Variants in SRBD1 observed in about 807,000 individuals in gnomAD.
SRBD1 encodes the protein S1 RNA binding domain 1.
A neutral mutation model predicts 115.3 loss-of-function variants in SRBD1; 88 were observed. That is an observed-to-expected ratio of 0.76 (90% confidence interval 0.64 to 0.91). The LOEUF (loss-of-function observed/expected upper bound fraction) is 0.91, where lower values mean the gene tolerates loss of function less well. Ranked by LOEUF, SRBD1 falls within the 40% of genes least tolerant of loss-of-function variation. The pLI is 0.00. For synonymous variants in SRBD1, 509 were observed against 407.7 expected (o/e 1.25, Z -2.99); for missense variants, 1,385 against 1,177.4 (o/e 1.18, Z -2.58).
intron 18 of SRBD1, among the ~76,000 whole-genome samples, chr2:45,414,487 A>T (rs1225013062): frequency 1.4e-5 from 2 of 145,662 alleles, no homozygotes; most frequent in Non-Finnish European, 3.0e-5. Context: ...GTGTGTGTAC[A>T]GTGTGTATAT....
At chr2:45,408,788 T>C (rs1300690465) in intron 19 of SRBD1, among the ~76,000 whole-genome samples, 1 of 152,118 alleles carries the variant, frequency 6.6e-6, no homozygotes, top group Non-Finnish European at 1.5e-5. Context: ...AATCAGTTGA[T>C]GAAACATTAT....
chr2:45,418,174 G>C (rs982194946), intron 18 of SRBD1, among the ~76,000 whole-genome samples, 191 bp downstream of exon 18: 1 of 152,134 alleles, frequency 6.6e-6, no homozygotes, highest in Non-Finnish European at 1.5e-5. Context: ...AACTCCATGA[G>C]AATCCGGAAT....
rs1399603660 is a variant in SRBD1 at position 45,585,899 on chromosome 2, T to A, written c.649-125A>T. ...TTAGAAACTACTTGCTATAGTTTTTTAAAAAAAAGAAAGCCATATAAAATA... is the reference window on the plus strand; with the variant it reads ...TTAGAAACTACTTGCTATAGTTTTTAAAAAAAAAGAAAGCCATATAAAATA... On this transcript the variant is annotated intron_variant, in intron 4 of 20. Coordinates refer to ENST00000263736, the MANE Select transcript of SRBD1 (RefSeq NM_018079.5). 5.6e-6 allele frequency: 4 copies of A among 710,168 alleles called. No individual in the cohort carries two copies. In the South Asian group the frequency reaches 7.7e-5, roughly 14 times the overall value. 44.0% of individuals were successfully genotyped at this position (710,168 alleles called of 1,614,324 possible).
intron 14 of SRBD1, among the ~76,000 whole-genome samples, chr2:45,525,666 T>A (rs1671418344): frequency 6.6e-6 from 1 of 152,048 alleles, no homozygotes; most frequent in Non-Finnish European, 1.5e-5. Context: ...AATGTATATG[T>A]ACTTCAAAAC....
At chr2:45,556,349 A>T (rs1672475361) in intron 10 of SRBD1, among the ~76,000 whole-genome samples, 1 of 152,058 alleles carries the variant, frequency 6.6e-6, no homozygotes, top group Admixed American at 6.5e-5. Context: ...AACAGAAATA[A>T]ATGTTAAAGA....
intron 16 of SRBD1, among the ~76,000 whole-genome samples, chr2:45,449,074 C>T (rs1166035878): frequency 6.6e-6 from 1 of 152,136 alleles, no homozygotes; most frequent in African/African-American, 2.4e-5. Flanking sequence ...TAAACGATTG[C>T]AGATTATTCA....
intron 16 of SRBD1, among the ~76,000 whole-genome samples, chr2:45,455,811 A>C (rs991014240): frequency 6.6e-6 from 1 of 151,842 alleles, no homozygotes; most frequent in African/African-American, 2.4e-5. Flanking sequence ...TAGTACTTTT[A>C]CCCTGGAATT....
At position 45,599,648 on chromosome 2, in the gene SRBD1, T is replaced by G; in HGVS notation, c.449A>C (p.Asn150Thr). 1 of 1,614,236 alleles carries G rather than the reference T, an allele frequency of 6.2e-7. No individual in the cohort carries two copies. The highest frequency in any genetic ancestry group is 8.5e-7 in the Non-Finnish European group (1 of 1,180,036). Reference sequence around the variant, plus strand: ...GCTTGTGGATGGTGTCTCTGAACTATTACTCTCACCCTCTAAGTTGCTGGC... The same window carrying G: ...GCTTGTGGATGGTGTCTCTGAACTAGTACTCTCACCCTCTAAGTTGCTGGC... ...SKASNLEGESNSSETPSTSTV... is the reference protein window; with the variant it reads ...SKASNLEGESTSSETPSTSTV... Residue 150 changes from asparagine (N) to threonine (T), a missense_variant, in exon 4 of 21, where the codon AAT (asparagine) becomes ACT (threonine). Coordinates refer to ENST00000263736, the MANE Select transcript of SRBD1 (RefSeq NM_018079.5).
rs1375491720 is a variant in SRBD1 at position 45,415,806 on chromosome 2, G to T, written c.2334-2513C>A. 2.4e-5 allele frequency among the ~76,000 whole-genome samples: 3 copies of T among 122,850 alleles called. No individual in the cohort carries two copies. The Admixed American group carries it at 2.6e-4, about 10-fold the overall frequency. 80.6% of individuals were successfully genotyped at this position (122,850 alleles called of 152,430 possible). ...GAGGAGAGGAGAGGAGAGGAGAGGA[G>T]AGGAGAGGAGAGGAGTCTGAAACTA... On this transcript the variant is annotated intron_variant, in intron 18 of 20. Transcript: ENST00000263736.
intron 14 of SRBD1, among the ~76,000 whole-genome samples, chr2:45,524,481 C>A (rs921732825): frequency 7.3e-5 from 11 of 151,626 alleles, no homozygotes; most frequent in Non-Finnish European, 2.9e-5. Context: ...TTATAAAAAC[C>A]GACTATTTCT....
intron 9 of SRBD1, among the ~76,000 whole-genome samples, chr2:45,565,329 A>T (rs1451038347): frequency 6.6e-6 from 1 of 152,314 alleles, no homozygotes; most frequent in Non-Finnish European, 1.5e-5. Context: ...ACTTATACAT[A>T]TAGTGTCAAC....
intron 14 of SRBD1, among the ~76,000 whole-genome samples, chr2:45,539,823 T>C (rs1470696587): frequency 2.6e-5 from 4 of 151,754 alleles, no homozygotes; most frequent in African/African-American, 9.7e-5. Flanking sequence ...CCTTAAGAAC[T>C]GAACAAAAAA....
chr2:45,515,218 A>G (rs1387767658), intron 14 of SRBD1, among the ~76,000 whole-genome samples: 8 of 152,162 alleles, frequency 5.3e-5, no homozygotes, highest in Non-Finnish European at 5.9e-5. Flanking sequence ...TGCAGTTTCT[A>G]TGGTCAGACA....
intron 14 of SRBD1, among the ~76,000 whole-genome samples, chr2:45,503,373 T>C (rs1670695834): frequency 6.6e-6 from 1 of 152,204 alleles, no homozygotes; most frequent in South Asian, 2.1e-4. Context: ...TCATAATCAT[T>C]GGTCAGCCCT....
intron 9 of SRBD1, among the ~76,000 whole-genome samples, chr2:45,564,642 T>C (rs564607839): frequency 6.6e-6 from 1 of 152,286 alleles, no homozygotes; most frequent in South Asian, 2.1e-4. Context: ...CCATTTATGA[T>C]ACCACCAAAA....
At chr2:45,420,762 A>G (rs1572621397) in intron 16 of SRBD1, among the ~76,000 whole-genome samples, 1 of 152,238 alleles carries the variant, frequency 6.6e-6, no homozygotes, top group East Asian at 1.9e-4. Flanking sequence ...AGCATTTCTT[A>G]AAAGAGTAAT....
At chr2:45,433,172 G>A (rs1668390731) in intron 16 of SRBD1, among the ~76,000 whole-genome samples, 1 of 152,110 alleles carries the variant, frequency 6.6e-6, no homozygotes, top group South Asian at 2.1e-4. Flanking sequence ...AATACAAAAT[G>A]TAGCTAGAAA....
chr2:45,548,367 C>A (rs768826281), intron 12 of SRBD1, among the ~76,000 whole-genome samples: 1 of 151,756 alleles, frequency 6.6e-6, no homozygotes, highest in Non-Finnish European at 1.5e-5. Flanking sequence ...GATACAAATA[C>A]AGGAATTATA....
intron 1 of SRBD1, among the ~76,000 whole-genome samples, chr2:45,607,616 T>C (rs1372244502): frequency 2.0e-5 from 3 of 151,938 alleles, no homozygotes; most frequent in Admixed American, 6.6e-5. Flanking sequence ...CAATTTACCC[T>C]GCAGTATTCT....
Sources: gnomAD v4.1 joint callset for allele counts (sites outside exome capture counted in the v4.1 genomes callset) on GRCh38, gnomAD v4.1.1 for gene constraint, MANE v1.5 for transcripts, NCBI Gene and HGNC (gene_info 2026-07-23, HGNC 2026-07-21) for gene names.